IRAK1BP1: variants seen among roughly 807,000 people sequenced by gnomAD.
The protein encoded by IRAK1BP1 is interleukin 1 receptor associated kinase 1 binding protein 1.
In IRAK1BP1, 24 loss-of-function variants were observed where a neutral mutation model predicts 28.0. The ratio of observed to expected loss-of-function variants is 0.86; its 90% CI spans 0.62 to 1.20. IRAK1BP1 has a LOEUF of 1.20. Ranked by LOEUF, IRAK1BP1 falls within the 50% of genes most tolerant of loss-of-function variation. The probability of loss-of-function intolerance (pLI) is 0.00; values close to 1 mark genes in which losing one functional copy is unlikely to be tolerated. For synonymous variants in IRAK1BP1, 131 were observed against 116.3 expected (o/e 1.13, Z -0.81); for missense variants, 336 against 316.7 (o/e 1.06, Z -0.46).
rs908102820 is a variant in IRAK1BP1 at position 78,900,303 on chromosome 6, T to C, written c.*1969T>C. On this transcript the variant is annotated 3_prime_UTR_variant, in exon 4 of 4. Coordinates refer to ENST00000369940, the MANE Select transcript of IRAK1BP1 (RefSeq NM_001010844.4). ...AGGCAATCATAAGCCATGTCTGTTA[T>C]GCAGCATAGGCTTTCCATTCTCTAT... 3.9e-5 allele frequency: 6 copies of C among 152,268 alleles called. No individual in the cohort carries two copies. Among genetic ancestry groups the C allele is most frequent in the African/African-American group, 1.2e-4 (5 of 41,478 alleles). 9.4% of individuals were successfully genotyped at this position (152,268 alleles called of 1,614,324 possible). A position where few individuals can be genotyped will look rare whatever the true frequency, so the allele number is the denominator to read the frequency against.
At chr6:78,973,717 G>C in the IRAK1BP1 span, among the ~76,000 whole-genome samples, 1 of 151,596 alleles carries the variant, frequency 6.6e-6, no homozygotes, top group East Asian at 1.9e-4. Context: ...AAAAAGACAG[G>C]GGTTGCAATC....
intron 2 of IRAK1BP1, among the ~76,000 whole-genome samples, chr6:78,892,300 G>C (rs1467970478): frequency 6.6e-6 from 1 of 152,050 alleles, no homozygotes; most frequent in Admixed American, 6.6e-5. Context: ...AGAGAAAGTT[G>C]ATTATCTCCC....
At chr6:78,972,449 G>A in the IRAK1BP1 span, among the ~76,000 whole-genome samples, 7 of 152,254 alleles carry the variant, frequency 4.6e-5, no homozygotes, top group East Asian at 1.4e-3. Context: ...AGAAAAACTG[G>A]AAACTCTAAA....
chr6:78,955,403 A>C, the IRAK1BP1 span: 1 of 684,372 alleles, frequency 1.5e-6, no homozygotes, highest in Admixed American at 3.5e-5. Context: ...ATGCTGGGGC[A>C]CTTTATTGAC....
intron 1 of IRAK1BP1, among the ~76,000 whole-genome samples, chr6:78,873,718 A>G (rs540220779): frequency 1.3e-5 from 2 of 152,160 alleles, no homozygotes; most frequent in South Asian, 4.2e-4. Context: ...CAATCCTCTC[A>G]CCTTGCCCTC....
chr6:78,967,868 C>T, the IRAK1BP1 span, among the ~76,000 whole-genome samples: 1 of 152,202 alleles, frequency 6.6e-6, no homozygotes, highest in East Asian at 1.9e-4. Flanking sequence ...GGCGCGGTGG[C>T]TCATGCCTGT....
In IRAK1BP1 at chr6:78,940,548, G is replaced by GTTTTTTT. The variant is rs36155238; in HGVS notation, c.*68-4843_*68-4837dup. 440 of 82,710 alleles carry GTTTTTTT rather than the reference G, an allele frequency of 5.3e-3. 74 individuals carry two copies. Among genetic ancestry groups the GTTTTTTT allele is most frequent in the African/African-American group, 9.5e-3 (168 of 17,662 alleles). 5.1% of individuals were successfully genotyped at this position (82,710 alleles called of 1,614,324 possible). ...AAGAAGTGAAGTGTCTCGTAAGTTT[G>GTTTTTTT]TTTTTTTTTTTTTTTTTTTTTTTGC... On this transcript the variant is annotated intron_variant and NMD_transcript_variant, in intron 4 of 4. Coordinates refer to the IRAK1BP1 transcript ENST00000606868.
downstream of IRAK1BP1, among the ~76,000 whole-genome samples, chr6:78,907,656 T>G (rs572837273): frequency 6.6e-6 from 1 of 152,318 alleles, no homozygotes; most frequent in East Asian, 1.9e-4. Flanking sequence ...AATGAAAAAT[T>G]GAGGTAGCCT....
chr6:78,923,345 T>G (rs183053914), intron 4 of IRAK1BP1, among the ~76,000 whole-genome samples: 104 of 151,870 alleles, frequency 6.8e-4, no homozygotes, highest in African/African-American at 2.4e-3. Flanking sequence ...ATGGTAAAGG[T>G]ATCAATTCAA....
chr6:78,977,381 T>C, the IRAK1BP1 span, among the ~76,000 whole-genome samples: 3 of 143,598 alleles, frequency 2.1e-5, no homozygotes, highest in African/African-American at 7.9e-5. Context: ...TGTTGTGGGG[T>C]GGGGGACGGG....
At chr6:78,878,058 C>T (rs1771077335) in intron 1 of IRAK1BP1, among the ~76,000 whole-genome samples, 1 of 152,208 alleles carries the variant, frequency 6.6e-6, no homozygotes, top group South Asian at 2.1e-4. Flanking sequence ...GTAGACTCCA[C>T]CTCTGGGGCA....
At chr6:78,957,478 T>C in the IRAK1BP1 span, 1 of 151,862 alleles carries the variant, frequency 6.6e-6, no homozygotes, top group South Asian at 2.1e-4. Flanking sequence ...GTTTGGTGTT[T>C]TCTTATACTG....
chr6:78,975,372 T>C, the IRAK1BP1 span, among the ~76,000 whole-genome samples: 1 of 152,110 alleles, frequency 6.6e-6, no homozygotes, highest in Middle Eastern at 3.2e-3. Flanking sequence ...TGGGACATAT[T>C]TCAAAATAAT....
intron 4 of IRAK1BP1, chr6:78,938,998 A>C (rs1180076082): frequency 6.6e-6 from 1 of 151,622 alleles, no homozygotes; most frequent in Non-Finnish European, 1.5e-5. Flanking sequence ...CCCCATCCTC[A>C]CTTTTTAAAA....
intron 4 of IRAK1BP1, among the ~76,000 whole-genome samples, chr6:78,920,108 G>A (rs897656095): frequency 1.3e-5 from 2 of 152,092 alleles, no homozygotes; most frequent in Non-Finnish European, 2.9e-5. Context: ...ACAAAAATTA[G>A]CTGGGTGTGA....
the IRAK1BP1 span, chr6:78,965,587 G>T: frequency 1.6e-6 from 1 of 636,096 alleles, no homozygotes; most frequent in East Asian, 2.6e-5. Flanking sequence ...TTTGCCAAAT[G>T]AATGTTTTCT....
intron 1 of IRAK1BP1, among the ~76,000 whole-genome samples, chr6:78,883,444 G>A (rs1771302845): frequency 6.6e-6 from 1 of 151,890 alleles, no homozygotes; most frequent in South Asian, 2.1e-4. Flanking sequence ...TCTTTGATTA[G>A]CATGTATTTT....
At chr6:78,892,538 T>G (rs1771699283) in intron 2 of IRAK1BP1, among the ~76,000 whole-genome samples, 2 of 152,186 alleles carry the variant, frequency 1.3e-5, no homozygotes, top group Non-Finnish European at 2.9e-5. Flanking sequence ...AAATTTTATC[T>G]TAATTCGGTT....
At chr6:78,973,619 T>C in the IRAK1BP1 span, among the ~76,000 whole-genome samples, 1 of 126,888 alleles carries the variant, frequency 7.9e-6, no homozygotes, top group Non-Finnish European at 1.6e-5. Context: ...CAGTGTGCTG[T>C]ATTCAGGAAA....
Sources: allele counts gnomAD v4.1 joint callset (sites outside exome capture counted in the v4.1 genomes callset), GRCh38; gene constraint gnomAD v4.1.1; transcripts MANE v1.5; gene names NCBI Gene and HGNC (gene_info 2026-07-23, HGNC 2026-07-21).